KAZN: variants seen among roughly 807,000 people sequenced by gnomAD.
The protein encoded by KAZN is kazrin.
KAZN carries 40 observed loss-of-function variants against 87.4 expected under a neutral mutation model. That is an observed-to-expected ratio of 0.46 (90% CI 0.36 to 0.60). The LOEUF is 0.60. KAZN is among the 20% of genes least tolerant of loss of function. The probability of loss-of-function intolerance (pLI) is 0.00; values close to 1 mark genes in which losing one functional copy is unlikely to be tolerated. For synonymous variants in KAZN, 466 were observed against 458.3 expected, an observed-to-expected ratio of 1.02 and a Z score of -0.22; for missense variants, 898 against 1,073.9, an observed-to-expected ratio of 0.84 and a Z score of 2.29.
intron 2 of KAZN, among the ~76,000 whole-genome samples, chr1:14,963,435 T>C (rs1196954615): frequency 6.6e-6 from 1 of 152,138 alleles, no homozygotes; most frequent in East Asian, 1.9e-4. Flanking sequence ...TTTTTCCCAC[T>C]GCACAGACAC....
chr1:14,817,034 C>A (rs2100808762), intron 1 of KAZN, among the ~76,000 whole-genome samples: 1 of 152,262 alleles, frequency 6.6e-6, no homozygotes, highest in East Asian at 1.9e-4. Flanking sequence ...GGCCATTGGC[C>A]AAGCTGGAGT....
intron 1 of KAZN, among the ~76,000 whole-genome samples, chr1:14,132,305 A>T (rs772833350): frequency 6.6e-5 from 10 of 152,156 alleles, no homozygotes; most frequent in Non-Finnish European, 1.5e-4. Context: ...GGTAGGCTTC[A>T]GATAAAGGCC....
In KAZN at chr1:14,264,935, A is replaced by T. The variant is rs192996236; in HGVS notation, c.249+84343A>T. On this transcript the variant is annotated intron_variant, in intron 2 of 16. Transcript: ENST00000636203. ...GTTACATCTGCAAAGTCTCTTATTC[A>T]TGAGTGATTAGGGCATGGACATCTC... Among the ~76,000 whole-genome samples the T allele has an allele frequency of 1.6e-3, 242 of 152,318 alleles. 1 individual carries two copies. The Middle Eastern group carries it at 0.017, about 11-fold the overall frequency.
At chr1:13,933,353 G>A (rs1396892733) in intron 1 of KAZN, among the ~76,000 whole-genome samples, 2 of 152,086 alleles carry the variant, frequency 1.3e-5, no homozygotes, top group South Asian at 2.1e-4. Context: ...TTAGCCAGGC[G>A]TGGTGGCGCA....
chr1:14,537,051 G>C (rs532666022), intron 2 of KAZN, among the ~76,000 whole-genome samples: 2 of 152,180 alleles, frequency 1.3e-5, no homozygotes, highest in Non-Finnish European at 2.9e-5. Context: ...CAGCACTAGC[G>C]TGGTGTCTTG....
intron 1 of KAZN, among the ~76,000 whole-genome samples, chr1:14,022,434 G>C (rs996811442): frequency 7.0e-5 from 9 of 127,686 alleles, no homozygotes; most frequent in African/African-American, 2.6e-4. Context: ...CCTATACTGA[G>C]TATAGGTCTT....
chr1:14,840,088 C>T (rs926149954), intron 1 of KAZN, among the ~76,000 whole-genome samples: 1 of 151,774 alleles, frequency 6.6e-6, no homozygotes, highest in African/African-American at 2.4e-5. Context: ...AGAAAACTGA[C>T]TTCCTTCACA....
intron 2 of KAZN, among the ~76,000 whole-genome samples, chr1:14,330,771 T>C (rs907553425): frequency 6.6e-6 from 1 of 152,102 alleles, no homozygotes; most frequent in African/African-American, 2.4e-5. Flanking sequence ...GGGTTGGTTA[T>C]ATAGATTATG....
At chr1:14,767,638 T>TC (rs1200165002) in intron 1 of KAZN, among the ~76,000 whole-genome samples, 2 of 152,340 alleles carry the variant, frequency 1.3e-5, no homozygotes, top group Admixed American at 1.3e-4. Context: ...TGGAAGAGTT[T>TC]CTTCGAGCAG....
At chr1:14,535,458 G>T (rs1672442980) in intron 2 of KAZN, among the ~76,000 whole-genome samples, 1 of 152,208 alleles carries the variant, frequency 6.6e-6, no homozygotes, top group Non-Finnish European at 1.5e-5. Context: ...ACAAGGTCAG[G>T]AGATTGAGAC....
chr1:14,231,934 C>T lies in KAZN; in HGVS notation c.249+51342C>T, dbSNP rs147400517. 3.3e-5 allele frequency among the ~76,000 whole-genome samples: 5 copies of T among 152,214 alleles called. No homozygotes were observed. In the East Asian group the frequency reaches 9.7e-4, roughly 29 times the overall value. ...GATACTACAGTCTTCAGTACTGGTC[C>T]CAAGGTTGTCAGCTTAAGGGAAGGG... On this transcript the variant is annotated intron_variant, in intron 2 of 16. Transcript: ENST00000636203.
At chr1:14,168,133 A>C (rs1282138804) in intron 1 of KAZN, among the ~76,000 whole-genome samples, 1 of 152,210 alleles carries the variant, frequency 6.6e-6, no homozygotes, top group African/African-American at 2.4e-5. Context: ...GGACAACGAC[A>C]TTCAAATGAA....
At chr1:14,706,038 A>T (rs902957269) in intron 1 of KAZN, among the ~76,000 whole-genome samples, 16 of 152,086 alleles carry the variant, frequency 1.1e-4, no homozygotes, top group African/African-American at 3.4e-4. Flanking sequence ...GGAGCTCAGG[A>T]TCATCAGCAG....
chr1:13,981,210 T>C (rs1461406561), intron 1 of KAZN, among the ~76,000 whole-genome samples: 2 of 144,648 alleles, frequency 1.4e-5, no homozygotes, highest in African/African-American at 2.5e-5. Flanking sequence ...CTAAGAAGAC[T>C]GTATGGAGGT....
chr1:14,879,732 T>C lies in KAZN; in HGVS notation c.227-80952T>C, dbSNP rs1216512629. Among the ~76,000 whole-genome samples, 3 of 152,206 alleles carry C rather than the reference T, an allele frequency of 2.0e-5. No individual in the cohort carries two copies. The East Asian group carries it at 5.8e-4, about 29-fold the overall frequency. ...ATGAAGGCTTCGAATACAATTTGAA[T>C]TGTGTGACTATGCGAGAATGTAGAC... On this transcript the variant is annotated intron_variant, in intron 1 of 14. Transcript: ENST00000376030.
chr1:15,006,581 A>G (rs1669024997), intron 2 of KAZN, among the ~76,000 whole-genome samples: 1 of 152,208 alleles, frequency 6.6e-6, no homozygotes, highest in Admixed American at 6.5e-5. Flanking sequence ...GCACATATTT[A>G]CTGAATACCT....
chr1:14,010,035 T>C (rs910557380), intron 1 of KAZN, among the ~76,000 whole-genome samples: 1 of 152,326 alleles, frequency 6.6e-6, no homozygotes, highest in Admixed American at 6.5e-5. Flanking sequence ...AGGCATTCAA[T>C]TAACACATCA....
chr1:14,519,072 G>A (rs1326223821), intron 2 of KAZN, among the ~76,000 whole-genome samples: 5 of 152,042 alleles, frequency 3.3e-5, no homozygotes, highest in Non-Finnish European at 5.9e-5. Context: ...TAAGGGAAGC[G>A]GAGTTTAGAA....
chr1:14,021,990 G>T (rs1640848902), intron 1 of KAZN, among the ~76,000 whole-genome samples: 2 of 130,182 alleles, frequency 1.5e-5, no homozygotes, highest in South Asian at 2.4e-4. Flanking sequence ...CTTCTCAGGT[G>T]CAATGCATCA....
Sources: allele counts gnomAD v4.1 joint callset (sites outside exome capture counted in the v4.1 genomes callset), GRCh38; gene constraint gnomAD v4.1.1; transcripts MANE v1.5; gene names NCBI Gene and HGNC (gene_info 2026-07-23, HGNC 2026-07-21).